The following GRID1 variants were observed in gnomAD, a reference collection of about 807,000 sequenced individuals.
The protein encoded by GRID1 is glutamate receptor ionotropic, delta-1.
GRID1 carries 28 observed loss-of-function variants against 98.0 expected under a neutral mutation model. The ratio of observed to expected loss-of-function variants is 0.29; its 90% confidence interval spans 0.21 to 0.39. The LOEUF (loss-of-function observed/expected upper bound fraction) is 0.39, where lower values mean the gene tolerates loss of function less well. Ranked by LOEUF, GRID1 falls within the 10% of genes least tolerant of loss-of-function variation. The probability of loss-of-function intolerance (pLI) is 1.00; values close to 1 mark genes in which losing one functional copy is unlikely to be tolerated. For missense variants in GRID1, 1,111 were observed against 1,340.5 expected, an observed-to-expected ratio of 0.83 and a Z score of 2.67; for synonymous variants, 553 against 538.5, an observed-to-expected ratio of 1.03 and a Z score of -0.37.
chr10:86,266,016 C>T (rs1847098018), intron 2 of GRID1, among the ~76,000 whole-genome samples: 1 of 152,048 alleles, frequency 6.6e-6, no homozygotes, highest in Non-Finnish European at 1.5e-5. Context: ...GCCCAGTGAC[C>T]CCTCTCAGAG....
chr10:86,131,665 C>A (rs1213725619), intron 4 of GRID1, among the ~76,000 whole-genome samples: 2 of 152,198 alleles, frequency 1.3e-5, no homozygotes, highest in Non-Finnish European at 2.9e-5. Flanking sequence ...AAAATAAACA[C>A]CAGAAAGTCC....
intron 2 of GRID1, among the ~76,000 whole-genome samples, chr10:86,298,907 T>C (rs1847636170): frequency 6.6e-6 from 1 of 152,234 alleles, no homozygotes; most frequent in South Asian, 2.1e-4. Context: ...TGCAATTTTA[T>C]GCCAAGCCTG....
intron 6 of GRID1, among the ~76,000 whole-genome samples, chr10:85,859,051 G>T (rs1843139902): frequency 6.6e-6 from 1 of 152,224 alleles, no homozygotes; most frequent in African/African-American, 2.4e-5. Context: ...GAACAGGCTT[G>T]AGCAATGCTC....
intron 3 of GRID1, among the ~76,000 whole-genome samples, chr10:86,204,106 A>G (rs1845991754): frequency 6.6e-6 from 1 of 152,194 alleles, no homozygotes; most frequent in South Asian, 2.1e-4. Context: ...TGGGTGGAGG[A>G]AAGAAGAGGG....
chr10:86,154,479 A>T (rs927975757), intron 3 of GRID1, among the ~76,000 whole-genome samples: 1 of 152,084 alleles, frequency 6.6e-6, no homozygotes, highest in Non-Finnish European at 1.5e-5. Flanking sequence ...GCCACAGTCC[A>T]CACCCTGGTC....
intron 2 of GRID1, among the ~76,000 whole-genome samples, chr10:86,327,943 A>G (rs1402817363): frequency 6.6e-6 from 1 of 152,250 alleles, no homozygotes; most frequent in Non-Finnish European, 1.5e-5. Flanking sequence ...ATAGGCATAT[A>G]TAAGGATTTC....
intron 13 of GRID1, among the ~76,000 whole-genome samples, chr10:85,642,375 C>A (rs976574011): frequency 6.6e-6 from 1 of 152,206 alleles, no homozygotes; most frequent in Non-Finnish European, 1.5e-5. Flanking sequence ...CTTTGTGACA[C>A]ATCTTTCAGG....
chr10:86,102,652 ACCTGG>A (rs1844313907), intron 4 of GRID1, among the ~76,000 whole-genome samples: 1 of 152,232 alleles, frequency 6.6e-6, no homozygotes, highest in African/African-American at 2.4e-5. Context: ...GAAAGGCCCT[ACCTGG>A]GAGCAGTGCC....
At chr10:86,026,969 A>G (rs1454249475) in intron 4 of GRID1, among the ~76,000 whole-genome samples, 1 of 152,220 alleles carries the variant, frequency 6.6e-6, no homozygotes, top group African/African-American at 2.4e-5. Context: ...ACCTGTCTAA[A>G]GCATGCTGGG....
intron 4 of GRID1, among the ~76,000 whole-genome samples, chr10:86,132,889 G>GT (rs576277014): frequency 6.6e-6 from 1 of 152,360 alleles, no homozygotes; most frequent in South Asian, 2.1e-4. Context: ...TGGGAGAGGT[G>GT]TTGGGAGTGG....
intron 12 of GRID1, among the ~76,000 whole-genome samples, chr10:85,662,822 G>A (rs1306708806): frequency 1.3e-5 from 2 of 152,150 alleles, no homozygotes; most frequent in African/African-American, 4.8e-5. Flanking sequence ...TGGACAAGCC[G>A]TTCATGGGTC....
At chr10:86,138,747 C>T in intron 4 of GRID1, 72 bp downstream of exon 4, 6 of 1,251,236 alleles carry the variant, frequency 4.8e-6, no homozygotes, top group Non-Finnish European at 7.0e-6. Flanking sequence ...CTGTGCCCTG[C>T]AGCCCACCTG....
At chr10:86,137,193 C>T (rs1037046434) in intron 4 of GRID1, among the ~76,000 whole-genome samples, 12 of 152,126 alleles carry the variant, frequency 7.9e-5, no homozygotes, top group East Asian at 3.8e-4. Flanking sequence ...TCCTCTAGAA[C>T]GAAAATGCAT....
chr10:85,675,238 C>T (rs1590185266), intron 12 of GRID1, among the ~76,000 whole-genome samples: 1 of 152,172 alleles, frequency 6.6e-6, no homozygotes, highest in Non-Finnish European at 1.5e-5. Context: ...AGCTATGCAG[C>T]CAGGAGGGAT....
At chr10:86,232,315 A>G (rs1289849229) in intron 2 of GRID1, among the ~76,000 whole-genome samples, 3 of 152,198 alleles carry the variant, frequency 2.0e-5, no homozygotes, top group Non-Finnish European at 2.9e-5. Flanking sequence ...AGGAACTGAT[A>G]CACTGAGGGT....
rs1341330509 is a variant in GRID1 at position 86,088,961 on chromosome 10, G to A, written c.726+49858C>T. ...TAGCCAAAGGTCCAGGAAAGGGGTA[G>A]GCTACCAAGACAGAAAACTTTCAGA... On this transcript the variant is annotated intron_variant, in intron 4 of 15. Coordinates refer to ENST00000327946, the MANE Select transcript of GRID1 (RefSeq NM_017551.3). 2.6e-5 allele frequency among the ~76,000 whole-genome samples: 4 copies of A among 152,072 alleles called. 1 individual carries two copies. The South Asian group carries it at 6.3e-4, about 24-fold the overall frequency.
chr10:86,014,471 C>T (rs1417719374), intron 4 of GRID1, among the ~76,000 whole-genome samples: 1 of 152,134 alleles, frequency 6.6e-6, no homozygotes, highest in Non-Finnish European at 1.5e-5. Context: ...AGTACAAGGG[C>T]ATATACATGG....
At chr10:86,189,369 G>A (rs535018629) in intron 3 of GRID1, among the ~76,000 whole-genome samples, 72 of 152,082 alleles carry the variant, frequency 4.7e-4, no homozygotes, top group Middle Eastern at 3.4e-3. Context: ...GGCCCCATGT[G>A]TCTTCTATGC....
chr10:85,648,115 A>G (rs1843221169), intron 12 of GRID1: 1 of 152,208 alleles, frequency 6.6e-6, no homozygotes. Context: ...GATGAAAAAA[A>G]CAAAGCACTT....
Sources: gnomAD v4.1 joint callset for allele counts (sites outside exome capture counted in the v4.1 genomes callset) on GRCh38, gnomAD v4.1.1 for gene constraint, MANE v1.5 for transcripts, NCBI Gene and HGNC (gene_info 2026-07-23, HGNC 2026-07-21) for gene names.